COL28A1: variants seen among roughly 807,000 people sequenced by gnomAD.
COL28A1 encodes the protein collagen alpha-1(XXVIII) chain.
In COL28A1, 161 loss-of-function variants were observed where a neutral mutation model predicts 150.2. That is an observed-to-expected ratio of 1.07 (90% CI 0.94 to 1.22). The LOEUF is 1.22. Among genes scored for constraint, COL28A1 ranks in the 50% most tolerant of loss-of-function variants. The pLI, the probability that COL28A1 is intolerant of heterozygous loss-of-function variation, is 0.00. For missense variants in COL28A1, 1,617 were observed against 1,388.3 expected (o/e 1.16, Z -2.62); for synonymous variants, 552 against 469.7 (o/e 1.18, Z -2.26).
At chr7:7,364,778 T>A (rs1200992655) in intron 33 of COL28A1, among the ~76,000 whole-genome samples, 2 of 152,174 alleles carry the variant, frequency 1.3e-5, no homozygotes, top group African/African-American at 4.8e-5. Context: ...TATATATAAA[T>A]ACCACTTCCC....
intron 9 of COL28A1, among the ~76,000 whole-genome samples, chr7:7,509,851 A>G (rs1481832509): frequency 1.3e-5 from 2 of 152,096 alleles, no homozygotes; most frequent in East Asian, 3.8e-4. Context: ...ATGTTCAGTT[A>G]TACTCCAGGA....
chr7:7,467,791 G>C (rs1015123078), intron 15 of COL28A1, among the ~76,000 whole-genome samples: 2 of 127,112 alleles, frequency 1.6e-5, no homozygotes, highest in African/African-American at 6.7e-5. Flanking sequence ...CTAGAACTCA[G>C]GATTAAAAAT....
chr7:7,393,241 T>A (rs932209623), intron 27 of COL28A1, among the ~76,000 whole-genome samples: 1 of 152,216 alleles, frequency 6.6e-6, no homozygotes, highest in African/African-American at 2.4e-5. Flanking sequence ...TGCTGGAGTT[T>A]GCTGGACGTC....
chr7:7,527,453 G>C (rs1782090141), intron 3 of COL28A1, among the ~76,000 whole-genome samples: 1 of 152,230 alleles, frequency 6.6e-6, no homozygotes, highest in East Asian at 1.9e-4. Flanking sequence ...ATAAGGACTA[G>C]TGTGGGCAAT....
chr7:7,453,531 ATAGTGT>A, intron 16 of COL28A1, 23 bp from the exon 17 acceptor site: 2 of 910,350 alleles, frequency 2.2e-6, no homozygotes, highest in Non-Finnish European at 3.7e-6. Flanking sequence ...ATTTTATAAA[ATAGTGT>A]TAGTGAAATG....
intron 18 of COL28A1, among the ~76,000 whole-genome samples, chr7:7,451,510 C>T (rs984547594): frequency 6.6e-6 from 1 of 152,150 alleles, no homozygotes; most frequent in South Asian, 2.1e-4. Context: ...AGGTGTGAGC[C>T]ACTACGCCCA....
At chr7:7,425,123 G>C (rs1784588617) in intron 25 of COL28A1, among the ~76,000 whole-genome samples, 1 of 152,050 alleles carries the variant, frequency 6.6e-6, no homozygotes, top group Admixed American at 6.6e-5. Context: ...GCAGCAGGAA[G>C]TTTTCATTCA....
In COL28A1 at chr7:7,423,020, T is replaced by C. The variant is rs189918736; in HGVS notation, c.1999-3067A>G. ...TTGGATCCCAATCCAAACAAACCAATTGCAGCAAATGGGTAAGACAAGCTT... is the reference window on the plus strand; with the variant it reads ...TTGGATCCCAATCCAAACAAACCAACTGCAGCAAATGGGTAAGACAAGCTT... On this transcript the variant is annotated intron_variant, in intron 25 of 34. Coordinates refer to ENST00000399429, the MANE Select transcript of COL28A1 (RefSeq NM_001037763.3). Among the ~76,000 whole-genome samples, 8 of 152,344 alleles carry C rather than the reference T, an allele frequency of 5.3e-5. No individual in the cohort carries two copies. The East Asian group carries it at 1.3e-3, about 26-fold the overall frequency.
intron 8 of COL28A1, among the ~76,000 whole-genome samples, chr7:7,512,425 T>G (rs541691012): frequency 6.6e-6 from 1 of 152,346 alleles, no homozygotes; most frequent in South Asian, 2.1e-4. Flanking sequence ...TTTAGCCATT[T>G]TATAATGTAT....
chr7:7,513,571 A>C (rs1282170290), intron 8 of COL28A1, among the ~76,000 whole-genome samples: 2 of 152,262 alleles, frequency 1.3e-5, no homozygotes, highest in South Asian at 4.1e-4. Flanking sequence ...ACTTAGAACA[A>C]GTTGAACATT....
intron 11 of COL28A1, among the ~76,000 whole-genome samples, chr7:7,498,137 A>T (rs1381078245): frequency 6.6e-6 from 1 of 152,166 alleles, no homozygotes; most frequent in East Asian, 1.9e-4. Context: ...ACAATATTTG[A>T]TCATGTTTGG....
intron 15 of COL28A1, among the ~76,000 whole-genome samples, chr7:7,462,668 G>C (rs1258754641): frequency 3.3e-5 from 5 of 152,258 alleles, no homozygotes; most frequent in African/African-American, 1.2e-4. Flanking sequence ...CGACCAGCCT[G>C]ACCAACATAG....
intron 27 of COL28A1, among the ~76,000 whole-genome samples, chr7:7,385,753 G>A (rs913240731): frequency 2.0e-5 from 3 of 152,118 alleles, no homozygotes; most frequent in African/African-American, 7.2e-5. Flanking sequence ...CACAATGTAA[G>A]TATTTTCTAT....
chr7:7,391,605 G>A (rs1782544797), intron 27 of COL28A1, among the ~76,000 whole-genome samples: 1 of 152,020 alleles, frequency 6.6e-6, no homozygotes, highest in African/African-American at 2.4e-5. Flanking sequence ...TTATTGTGTG[G>A]GAATCTAAGT....
chr7:7,534,619 A>T (rs1201352590), intron 1 of COL28A1, among the ~76,000 whole-genome samples: 1 of 152,168 alleles, frequency 6.6e-6, no homozygotes, highest in Non-Finnish European at 1.5e-5. Flanking sequence ...TATAAGCAAC[A>T]TAATCAAGCA....
intron 13 of COL28A1, among the ~76,000 whole-genome samples, chr7:7,477,698 C>T (rs1789020414): frequency 6.6e-6 from 1 of 152,194 alleles, no homozygotes; most frequent in African/African-American, 2.4e-5. Flanking sequence ...CTCATATAGG[C>T]AGTGTGGACC....
At chr7:7,452,524 TC>T in intron 17 of COL28A1, 137 bp from the exon 18 acceptor site, 3 of 1,295,488 alleles carry the variant, frequency 2.3e-6, no homozygotes, top group Non-Finnish European at 3.0e-6. Context: ...TGAAATCCCT[TC>T]GGGGGATGGA....
At chr7:7,389,905 T>G (rs948582467) in intron 27 of COL28A1, among the ~76,000 whole-genome samples, 1 of 152,204 alleles carries the variant, frequency 6.6e-6, no homozygotes, top group South Asian at 2.1e-4. Context: ...GCTGAGACAA[T>G]AGTGTTTTCT....
At chr7:7,386,484 G>C (rs1265372759) in intron 27 of COL28A1, among the ~76,000 whole-genome samples, 1 of 152,192 alleles carries the variant, frequency 6.6e-6, no homozygotes. Flanking sequence ...CGCCAATTCA[G>C]CATCTAAGGA....
Sources: allele counts gnomAD v4.1 joint callset (sites outside exome capture counted in the v4.1 genomes callset), GRCh38; gene constraint gnomAD v4.1.1; transcripts MANE v1.5; gene names NCBI Gene and HGNC (gene_info 2026-07-23, HGNC 2026-07-21).